The following CFAP44 variants were observed in gnomAD, a reference collection of about 807,000 sequenced individuals.
The protein encoded by CFAP44 is cilia- and flagella-associated protein 44.
Under a neutral mutation model 216.2 loss-of-function variants are expected in CFAP44, and 134 were observed. The ratio of observed to expected loss-of-function variants is 0.62; its 90% confidence interval spans 0.54 to 0.72. The LOEUF is 0.72. Ranked by LOEUF, CFAP44 falls within the 30% of genes least tolerant of loss-of-function variation. CFAP44 has a pLI of 0.00. For synonymous variants in CFAP44, 700 were observed against 727.6 expected (o/e 0.96, Z 0.61); for missense variants, 2,035 against 2,182.1 (o/e 0.93, Z 1.34).
rs1949857869 is a variant in CFAP44 at position 113,294,142 on chromosome 3, T to C, written c.5373+545A>G. 24 of 442,566 alleles carry C rather than the reference T, an allele frequency of 5.4e-5. 1 individual carries two copies. Among genetic ancestry groups the C allele is most frequent in the South Asian group, 3.9e-4 (24 of 61,384 alleles). 27.4% of individuals were successfully genotyped at this position (442,566 alleles called of 1,614,324 possible). On this transcript the variant is annotated intron_variant, in intron 34 of 34. Coordinates refer to ENST00000393845, the MANE Select transcript of CFAP44 (RefSeq NM_001164496.2). ...TAGAGTTTGGAATATGCTATACATG[T>C]GTTAGGTTTGTAGAGGGCAAGACTT...
chr3:113,307,164 T>C (rs1045794990), intron 29 of CFAP44, among the ~76,000 whole-genome samples: 6 of 152,212 alleles, frequency 3.9e-5, no homozygotes, highest in African/African-American at 1.4e-4. Context: ...TTGTCAAGCA[T>C]TTCCAGGAAA....
intron 18 of CFAP44, among the ~76,000 whole-genome samples, chr3:113,370,613 C>T (rs1933119078): frequency 6.6e-6 from 1 of 152,198 alleles, no homozygotes. Context: ...GACAAACTCA[C>T]AGCCAATATC....
At position 113,330,489 on chromosome 3, in the gene CFAP44, T is replaced by C. The variant is rs1314218270; in HGVS notation, c.3795A>G (p.Pro1265=). 3 of 1,537,262 alleles carry C rather than the reference T, an allele frequency of 2.0e-6. No individual in the cohort carries two copies. Among genetic ancestry groups the C allele is most frequent in the Non-Finnish European group, 2.6e-6 (3 of 1,146,900 alleles). ...KIPQIHPEEV[P]EKRFQYDEET... The stretch of plus-strand genomic sequence containing the variant: ...CTTCATCATACTGAAATCTCTTTTC[T>C]GGAACTTCTTCTGGGTGTATCTGAG... The change falls in exon 26 of 35, where the codon CCA becomes CCG. Residue 1265 remains proline, a synonymous_variant. Transcript: ENST00000393845.
intron 17 of CFAP44, among the ~76,000 whole-genome samples, chr3:113,378,796 T>A (rs1242422597): frequency 1.3e-5 from 2 of 152,180 alleles, no homozygotes; most frequent in African/African-American, 2.4e-5. Flanking sequence ...CTGATTTTGT[T>A]CAGGGTGGCA....
At chr3:113,426,066 A>G in intron 4 of CFAP44, 58 bp downstream of exon 4, 1 of 1,574,988 alleles carries the variant, frequency 6.3e-7, no homozygotes, top group East Asian at 2.2e-5. Flanking sequence ...TAGTTTGCTG[A>G]CCTCTGACCT....
intron 34 of CFAP44, chr3:113,294,351 T>C: frequency 3.2e-6 from 1 of 314,592 alleles, no homozygotes; most frequent in Non-Finnish European, 6.0e-6. Flanking sequence ...AATTTGCAGA[T>C]ATTGGAAATA....
chr3:113,342,763 A>C (rs909828050), intron 23 of CFAP44, among the ~76,000 whole-genome samples: 6 of 151,970 alleles, frequency 3.9e-5, no homozygotes, highest in Non-Finnish European at 8.8e-5. Flanking sequence ...AGGCCAAGGT[A>C]GGCAGATTGC....
rs1462093446 is a variant in CFAP44 at position 113,427,578 on chromosome 3, C to T, written c.101-239G>A. ...TCAGTCTATTTCCTATCATTAAATA[C>T]TTACAAGAAGTAAAAGATAAAAAGA... On this transcript the variant is annotated intron_variant, in intron 2 of 34. Transcript: ENST00000393845. 3.2e-5 allele frequency: 12 copies of T among 378,194 alleles called. No homozygotes were observed. The East Asian group carries it at 6.5e-4, about 21-fold the overall frequency. The allele number at this position is 378,194 out of a possible 1,614,324, so 23.4% of individuals were successfully genotyped here. A position where few individuals can be genotyped will look rare whatever the true frequency, so the allele number is the denominator to read the frequency against.
At chr3:113,372,322 A>G (rs572916641) in intron 18 of CFAP44, among the ~76,000 whole-genome samples, 1 of 152,338 alleles carries the variant, frequency 6.6e-6, no homozygotes, top group South Asian at 2.1e-4. Context: ...AAGACTTGGA[A>G]CCAACCCAAA....
At chr3:113,335,499 A>G (rs1173854152) in intron 24 of CFAP44, among the ~76,000 whole-genome samples, 1 of 152,240 alleles carries the variant, frequency 6.6e-6, no homozygotes, top group African/African-American at 2.4e-5. Context: ...TAATCTGTAC[A>G]TGTGTAATGT....
intron 2 of CFAP44, among the ~76,000 whole-genome samples, chr3:113,430,167 TAAGA>T (rs2107410140): frequency 6.6e-6 from 1 of 151,984 alleles, no homozygotes; most frequent in South Asian, 2.1e-4. Flanking sequence ...CCAATAATGA[TAAGA>T]TACCTTGAAA....
At chr3:113,407,183 T>C (rs889719465) in intron 7 of CFAP44, 142 bp from the exon 8 acceptor site, 2 of 704,510 alleles carry the variant, frequency 2.8e-6, no homozygotes, top group Admixed American at 2.6e-5. Flanking sequence ...ATTTATTAAG[T>C]ATCTACTACC....
At chr3:113,363,439 T>A in intron 20 of CFAP44, 38 bp downstream of exon 20, 1 of 1,590,698 alleles carries the variant, frequency 6.3e-7, no homozygotes, top group Non-Finnish European at 8.5e-7. Flanking sequence ...TTTTGCAAAA[T>A]CTCAGGCCTA....
At chr3:113,317,529 T>C (rs1195865407) in intron 28 of CFAP44, among the ~76,000 whole-genome samples, 4 of 152,198 alleles carry the variant, frequency 2.6e-5, no homozygotes, top group East Asian at 3.9e-4. Flanking sequence ...CCTGAGTGCA[T>C]TGCTGCACCT....
At chr3:113,309,509 A>G (rs970036901) in intron 28 of CFAP44, among the ~76,000 whole-genome samples, 1 of 152,208 alleles carries the variant, frequency 6.6e-6, no homozygotes, top group African/African-American at 2.4e-5. Flanking sequence ...ATTTATTTAT[A>G]ATATCATATC....
At chr3:113,341,594 A>G in intron 24 of CFAP44, 150 bp downstream of exon 24, 1 of 879,856 alleles carries the variant, frequency 1.1e-6, no homozygotes, top group Non-Finnish European at 1.6e-6. Flanking sequence ...GATCCAGCTG[A>G]CCTGTTTATA....
At chr3:113,400,281 G>GA (rs1934106439) in intron 12 of CFAP44, among the ~76,000 whole-genome samples, 1 of 152,018 alleles carries the variant, frequency 6.6e-6, no homozygotes, top group African/African-American at 2.4e-5. Context: ...GGAAAGAATA[G>GA]AAAAAACACA....
chr3:113,294,317 A>G, intron 34 of CFAP44: 2 of 304,024 alleles, frequency 6.6e-6, no homozygotes. Flanking sequence ...TCACCACTCA[A>G]GATGCCCACT....
chr3:113,314,549 A>G (rs559581949), intron 28 of CFAP44, among the ~76,000 whole-genome samples: 22 of 152,314 alleles, frequency 1.4e-4, no homozygotes, highest in South Asian at 1.2e-3. Context: ...TCTAAACAGA[A>G]AGCAAACAAT....
Sources: gnomAD v4.1 joint callset for allele counts (sites outside exome capture counted in the v4.1 genomes callset) on GRCh38, gnomAD v4.1.1 for gene constraint, MANE v1.5 for transcripts, NCBI Gene and HGNC (gene_info 2026-07-23, HGNC 2026-07-21) for gene names.